CSMD1: variants seen among roughly 807,000 people sequenced by gnomAD.
CSMD1 encodes CUB and Sushi multiple domains 1.
In CSMD1, 213 loss-of-function variants were observed where a neutral mutation model predicts 417.5. That is an observed-to-expected ratio of 0.51 (90% CI 0.46 to 0.57). The LOEUF is 0.57. Among genes scored for constraint, CSMD1 ranks in the 20% least tolerant of loss-of-function variants. The pLI is 0.00. For synonymous variants in CSMD1, 2,862 were observed against 1,736.8 expected, an observed-to-expected ratio of 1.65 and a Z score of -16.11; for missense variants, 6,923 against 4,529.7, an observed-to-expected ratio of 1.53 and a Z score of -15.17.
At chr8:3,938,002 C>G (rs1324191950) in intron 5 of CSMD1, among the ~76,000 whole-genome samples, 1 of 152,074 alleles carries the variant, frequency 6.6e-6, no homozygotes, top group Non-Finnish European at 1.5e-5. Context: ...AAATAACTAA[C>G]TATAAAACCC....
At chr8:4,422,471 G>A (rs558130354) in intron 2 of CSMD1, among the ~76,000 whole-genome samples, 9 of 152,126 alleles carry the variant, frequency 5.9e-5, no homozygotes, top group African/African-American at 1.7e-4. Context: ...GTAAAAATAA[G>A]AAAAGAGAAG....
At chr8:3,914,796 G>C (rs992627317) in intron 5 of CSMD1, among the ~76,000 whole-genome samples, 3 of 151,756 alleles carry the variant, frequency 2.0e-5, no homozygotes, top group African/African-American at 7.3e-5. Context: ...CCTCAACAAA[G>C]ATTTATTGAC....
intron 8 of CSMD1, among the ~76,000 whole-genome samples, chr8:3,608,329 G>C (rs115940572): frequency 3.9e-5 from 6 of 152,140 alleles, no homozygotes; most frequent in Admixed American, 2.6e-4. Context: ...CATGAAGGGG[G>C]CCACATTGTG....
At chr8:4,361,698 G>C (rs1801775033) in intron 3 of CSMD1, among the ~76,000 whole-genome samples, 1 of 151,814 alleles carries the variant, frequency 6.6e-6, no homozygotes, top group South Asian at 2.1e-4. Context: ...GCTCACGCCT[G>C]TAATCCCAAC....
intron 3 of CSMD1, among the ~76,000 whole-genome samples, chr8:4,352,956 T>G (rs1262337399): frequency 6.6e-6 from 1 of 152,208 alleles, no homozygotes; most frequent in African/African-American, 2.4e-5. Context: ...TAGGGCTAAT[T>G]ATGGTAAATT....
chr8:3,565,227 T>C lies in CSMD1; in HGVS notation c.1344+9718A>G, dbSNP rs201697962. On this transcript the variant is annotated intron_variant, in intron 10 of 69. Coordinates refer to ENST00000635120, the MANE Select transcript of CSMD1 (RefSeq NM_033225.6). ...ATAGATAGATAGAGAGATAGACAGATAGATAGATTAATGATGACAGCCAAG... is the reference window on the plus strand; with the variant it reads ...ATAGATAGATAGAGAGATAGACAGACAGATAGATTAATGATGACAGCCAAG... Among the ~76,000 whole-genome samples, 661 of 106,140 alleles carry C rather than the reference T, an allele frequency of 6.2e-3. 10 individuals are homozygous for C. In the East Asian group the frequency reaches 0.066, roughly 11 times the overall value. The allele number at this position is 106,140 out of a possible 152,430, so 69.6% of individuals were successfully genotyped here.
intron 5 of CSMD1, among the ~76,000 whole-genome samples, chr8:3,848,970 T>C (rs1414743066): frequency 1.3e-5 from 2 of 151,348 alleles, no homozygotes; most frequent in South Asian, 2.1e-4. Flanking sequence ...TGCAAAAATA[T>C]ACTCCTAGTT....
chr8:3,440,287 A>G (rs910008300), intron 12 of CSMD1, among the ~76,000 whole-genome samples: 1 of 152,168 alleles, frequency 6.6e-6, no homozygotes, highest in Non-Finnish European at 1.5e-5. Context: ...TGAACATACT[A>G]TATCTCTCTA....
At chr8:4,528,501 C>T (rs1283893193) in intron 2 of CSMD1, among the ~76,000 whole-genome samples, 1 of 152,180 alleles carries the variant, frequency 6.6e-6, no homozygotes, top group Admixed American at 6.5e-5. Context: ...AGCTGTGTAG[C>T]ATGGCGCCTA....
intron 10 of CSMD1, among the ~76,000 whole-genome samples, chr8:3,547,642 T>TACGGCAG (rs1798724535): frequency 6.6e-6 from 1 of 152,226 alleles, no homozygotes. Flanking sequence ...TAAAGTGGGT[T>TACGGCAG]TGTAAGTAAT....
chr8:3,978,679 C>G (rs1026180378), intron 5 of CSMD1, among the ~76,000 whole-genome samples: 1 of 152,088 alleles, frequency 6.6e-6, no homozygotes, highest in Non-Finnish European at 1.5e-5. Context: ...TACTCCTGCC[C>G]AACCCGGCTC....
intron 11 of CSMD1, among the ~76,000 whole-genome samples, chr8:3,475,881 T>C (rs1233175313): frequency 6.6e-6 from 1 of 152,234 alleles, no homozygotes; most frequent in African/African-American, 2.4e-5. Flanking sequence ...AATGCAAATG[T>C]GTCAGTGTTC....
Position 4,150,995 on chromosome 8 carries a change from G to C in CSMD1, c.416-118896C>G, listed in dbSNP as rs193024349. On this transcript the variant is annotated intron_variant, in intron 3 of 69. Transcript: ENST00000635120. ...AGATACAGGACTAGACATTATTTTG[G>C]AGAAATGATGCAAGAGAAATTGTGT... Among the ~76,000 whole-genome samples the C allele has an allele frequency of 9.3e-4, 142 of 152,222 alleles. 1 individual carries two copies. The highest frequency in any genetic ancestry group is 6.8e-3 in the Middle Eastern group (2 of 294).
At chr8:3,559,089 C>A (rs948024783) in intron 10 of CSMD1, among the ~76,000 whole-genome samples, 1 of 152,182 alleles carries the variant, frequency 6.6e-6, no homozygotes, top group African/African-American at 2.4e-5. Context: ...TGAAGAATAA[C>A]ATCCTCTGAT....
At chr8:3,296,315 C>G (rs144855392) in intron 25 of CSMD1, among the ~76,000 whole-genome samples, 1 of 151,536 alleles carries the variant, frequency 6.6e-6, no homozygotes, top group African/African-American at 2.4e-5. Context: ...GCATACCGTC[C>G]GCATTTGAGG....
chr8:3,135,646 T>A (rs1384157668), intron 41 of CSMD1, among the ~76,000 whole-genome samples: 6 of 150,532 alleles, frequency 4.0e-5, no homozygotes, highest in African/African-American at 1.5e-4. Flanking sequence ...GCTGATCACA[T>A]TTCTGACTCT....
intron 25 of CSMD1, among the ~76,000 whole-genome samples, chr8:3,299,858 G>A (rs143800592): frequency 6.6e-6 from 1 of 152,208 alleles, no homozygotes; most frequent in African/African-American, 2.4e-5. Flanking sequence ...CAGTTTCAGA[G>A]AGAATGTAGA....
At chr8:4,077,281 A>ATG (rs757694899) in intron 3 of CSMD1, among the ~76,000 whole-genome samples, 2 of 81,604 alleles carry the variant, frequency 2.5e-5, no homozygotes, top group African/African-American at 8.9e-5. Flanking sequence ...TTTGTCACCT[A>ATG]TATATATATA....
At chr8:4,594,631 C>G (rs377698019) in intron 2 of CSMD1, among the ~76,000 whole-genome samples, 1 of 152,212 alleles carries the variant, frequency 6.6e-6, no homozygotes, top group African/African-American at 2.4e-5. Flanking sequence ...GTATTTGAAC[C>G]TGGTCTTTCA....
Sources: gnomAD v4.1 joint callset for allele counts (sites outside exome capture counted in the v4.1 genomes callset) on GRCh38, gnomAD v4.1.1 for gene constraint, MANE v1.5 for transcripts, NCBI Gene and HGNC (gene_info 2026-07-23, HGNC 2026-07-21) for gene names.